Variants in SLCO3A1 observed in about 807,000 individuals in gnomAD.
The protein encoded by SLCO3A1 is PGE1 transporter.
A neutral mutation model predicts 63.1 loss-of-function variants in SLCO3A1; 27 were observed. That is an observed-to-expected ratio of 0.43 (90% CI 0.32 to 0.59). SLCO3A1 has a LOEUF of 0.59. Ranked by LOEUF, SLCO3A1 falls within the 20% of genes least tolerant of loss-of-function variation. The pLI, the probability that SLCO3A1 is intolerant of heterozygous loss-of-function variation, is 0.09. For synonymous variants in SLCO3A1, 473 were observed against 409.9 expected (o/e 1.15, Z -1.86); for missense variants, 773 against 945.8 (o/e 0.82, Z 2.40).
chr15:92,128,595 G>A, intron 7 of SLCO3A1, 106 bp downstream of exon 7: 2 of 991,730 alleles, frequency 2.0e-6, no homozygotes. Flanking sequence ...CTTTTTCTTA[G>A]CTGTTGCCTT....
At chr15:91,911,900 C>T (rs2151377082) in intron 1 of SLCO3A1, among the ~76,000 whole-genome samples, 1 of 152,282 alleles carries the variant, frequency 6.6e-6, no homozygotes, top group African/African-American at 2.4e-5. Context: ...GCTGGGATTA[C>T]AGTCGTGAGC....
At chr15:92,135,252 A>C (rs537818278) in intron 7 of SLCO3A1, among the ~76,000 whole-genome samples, 1 of 152,304 alleles carries the variant, frequency 6.6e-6, no homozygotes, top group Non-Finnish European at 1.5e-5. Flanking sequence ...ACTGTGTCCT[A>C]TGTTAGATAG....
chr15:92,062,455 C>T (rs1567097438), intron 2 of SLCO3A1, among the ~76,000 whole-genome samples: 3 of 152,054 alleles, frequency 2.0e-5, no homozygotes, highest in Admixed American at 1.3e-4. Flanking sequence ...GAATTGCATC[C>T]GGAAGGCAAT....
chr15:91,961,119 T>C (rs1324434365), intron 2 of SLCO3A1, among the ~76,000 whole-genome samples: 1 of 152,212 alleles, frequency 6.6e-6, no homozygotes, highest in East Asian at 1.9e-4. Flanking sequence ...TTAAGCATAC[T>C]TGTCTGAAAC....
chr15:92,113,181 C>A (rs1227185014), intron 4 of SLCO3A1, among the ~76,000 whole-genome samples: 7 of 152,172 alleles, frequency 4.6e-5, no homozygotes, highest in Non-Finnish European at 8.8e-5. Flanking sequence ...GCGGAGCCTG[C>A]GTTTTTCTGA....
At chr15:91,907,889 AACG>A in intron 1 of SLCO3A1, among the ~76,000 whole-genome samples, 1 of 152,254 alleles carries the variant, frequency 6.6e-6, no homozygotes, top group South Asian at 2.1e-4. Flanking sequence ...GATCAGAGAG[AACG>A]ATAGTGCCCC....
Position 91,854,162 on chromosome 15 carries a change from G to A in SLCO3A1, c.180+74G>A. The A allele has an allele frequency of 7.9e-7, 1 of 1,265,784 alleles. No individual in the cohort carries two copies. Among genetic ancestry groups the A allele is most frequent in the Non-Finnish European group, 1.0e-6 (1 of 986,168 alleles). 78.4% of individuals were successfully genotyped at this position (1,265,784 alleles called of 1,614,324 possible). Reference sequence around the variant, plus strand: ...CTCGAGCGGCCGCCTGGCCCGACGAGGGGGCCGCCCGGCGCTGGGGGCAGG... The same window carrying A: ...CTCGAGCGGCCGCCTGGCCCGACGAAGGGGCCGCCCGGCGCTGGGGGCAGG... On this transcript the variant is annotated intron_variant, in intron 1 of 9. Transcript: ENST00000318445. This position sits in a 1 kb window ranked among gnomAD's most constrained non-coding sequence, Gnocchi z 6.4.
At position 91,875,278 on chromosome 15, in the gene SLCO3A1, T is replaced by A. The variant is rs145596844; in HGVS notation, c.180+21190T>A. On this transcript the variant is annotated intron_variant, in intron 1 of 9. Transcript: ENST00000318445. The surrounding 1 kb of genome is among the most constrained non-coding windows in gnomAD (Gnocchi z 4.5). ...TGTAGCTCATTGTAGGAGATCCTAG[T>A]TGCACTTCTGTTATGAAGCCACTCC... Among the ~76,000 whole-genome samples the A allele has an allele frequency of 6.6e-6, 1 of 152,158 alleles. No individual in the cohort carries two copies. Among genetic ancestry groups the A allele is most frequent in the East Asian group, 1.9e-4 (1 of 5,180 alleles).
At chr15:92,048,051 G>A (rs2046911485) in intron 2 of SLCO3A1, among the ~76,000 whole-genome samples, 1 of 152,100 alleles carries the variant, frequency 6.6e-6, no homozygotes, top group Non-Finnish European at 1.5e-5. Context: ...TTTGCCTGGA[G>A]TCCTGGACTG....
At chr15:91,920,588 T>TG (rs1898810643) in intron 2 of SLCO3A1, among the ~76,000 whole-genome samples, 3 of 152,214 alleles carry the variant, frequency 2.0e-5, no homozygotes, top group Admixed American at 2.0e-4. Context: ...CTTAGACATC[T>TG]GGGGCAGGAG....
rs754989462 is a variant in SLCO3A1 at position 91,865,077 on chromosome 15, A to G, written c.180+10989A>G. Among the ~76,000 whole-genome samples, 1 of 152,232 alleles carries G rather than the reference A, an allele frequency of 6.6e-6. No homozygotes were observed. Among genetic ancestry groups the G allele is most frequent in the Non-Finnish European group, 1.5e-5 (1 of 68,042 alleles). On this transcript the variant is annotated intron_variant, in intron 1 of 9. Transcript: ENST00000318445. The surrounding 1 kb of genome is among the most constrained non-coding windows in gnomAD (Gnocchi z 4.6). Reference sequence around the variant, plus strand: ...GCCACCCGCTGTCCCTATCCAGTGGATAATGGAGCTGAGCGTGGTCTCTTA... The same window carrying G: ...GCCACCCGCTGTCCCTATCCAGTGGGTAATGGAGCTGAGCGTGGTCTCTTA...
chr15:91,914,792 G>A (rs535259606), intron 1 of SLCO3A1, among the ~76,000 whole-genome samples: 73 of 152,142 alleles, frequency 4.8e-4, no homozygotes, highest in African/African-American at 1.7e-3. Flanking sequence ...GGCTGGTCTC[G>A]AACTCCTGGC....
chr15:92,007,336 G>A lies in SLCO3A1; in HGVS notation c.647-87545G>A, dbSNP rs574811638. On this transcript the variant is annotated intron_variant, in intron 2 of 9. Transcript: ENST00000318445. ...AGCTTTCTACCATGGCAGACTCTGAGCTTGAGTTGAAGGGACATTGGATGG... is the reference window on the plus strand; with the variant it reads ...AGCTTTCTACCATGGCAGACTCTGAACTTGAGTTGAAGGGACATTGGATGG... 1.1e-4 allele frequency among the ~76,000 whole-genome samples: 16 copies of A among 152,340 alleles called. 1 individual carries two copies. In the South Asian group the frequency reaches 3.3e-3, roughly 32 times the overall value.
In SLCO3A1 at chr15:91,886,057, G is replaced by A. The variant is rs916196598; in HGVS notation, c.181-29936G>A. Among the ~76,000 whole-genome samples the A allele has an allele frequency of 6.6e-6, 1 of 152,128 alleles. No individual in the cohort carries two copies. The highest frequency in any genetic ancestry group is 2.4e-5 in the African/African-American group (1 of 41,406). ...GCAGGCCCCTGTGAGCCACAGGGAG[G>A]CAGAGTTGGTCCCTTTTAAATATTG... On this transcript the variant is annotated intron_variant, in intron 1 of 9. Transcript: ENST00000318445. This position sits in a 1 kb window ranked among gnomAD's most constrained non-coding sequence, Gnocchi z 4.9.
intron 2 of SLCO3A1, among the ~76,000 whole-genome samples, chr15:92,053,123 A>G (rs1395813800): frequency 6.6e-6 from 1 of 152,096 alleles, no homozygotes; most frequent in African/African-American, 2.4e-5. Flanking sequence ...AGTGCCTGCT[A>G]TGTGCCAGGC....
chr15:92,098,540 A>G (rs997723848), intron 3 of SLCO3A1, among the ~76,000 whole-genome samples: 1 of 152,232 alleles, frequency 6.6e-6, no homozygotes, highest in African/African-American at 2.4e-5. Flanking sequence ...GTAGCAGAGT[A>G]CATATCTAAT....
chr15:92,103,328 A>G (rs559642343), intron 3 of SLCO3A1, among the ~76,000 whole-genome samples: 1 of 152,302 alleles, frequency 6.6e-6, no homozygotes, highest in African/African-American at 2.4e-5. Context: ...AGGCAGGTGT[A>G]AAGAGAGAGA....
At position 91,956,985 on chromosome 15, in the gene SLCO3A1, A is replaced by ATTATATATTAT. The variant is rs1297821954; in HGVS notation, c.646+40527_646+40528insTTATATATTAT. Among the ~76,000 whole-genome samples, 123 of 16,548 alleles carry ATTATATATTAT rather than the reference A, an allele frequency of 7.4e-3. 7 individuals carry two copies. Among genetic ancestry groups the ATTATATATTAT allele is most frequent in the African/African-American group, 0.052 (69 of 1,324 alleles). 10.9% of individuals were successfully genotyped at this position (16,548 alleles called of 152,430 possible). ...TTATATATATATATATAGTATATAT[A>ATTATATATTAT]ATATATAGTATATATTATATATATA... is the stretch of plus-strand genomic sequence containing the variant. On this transcript the variant is annotated intron_variant, in intron 2 of 9. Coordinates refer to ENST00000318445, the MANE Select transcript of SLCO3A1 (RefSeq NM_013272.4).
chr15:91,855,318 T>C (rs1055714665), intron 1 of SLCO3A1, among the ~76,000 whole-genome samples: 1 of 152,156 alleles, frequency 6.6e-6, no homozygotes, highest in Non-Finnish European at 1.5e-5. Context: ...TAAAGGGAAA[T>C]ACAAGCAGTG....
Sources: allele counts gnomAD v4.1 joint callset (sites outside exome capture counted in the v4.1 genomes callset), GRCh38; gene constraint gnomAD v4.1.1; non-coding constraint Gnocchi (gnomAD v3.1); transcripts MANE v1.5; gene names NCBI Gene and HGNC (gene_info 2026-07-23, HGNC 2026-07-21).